Variants in TAB1 observed in about 807,000 individuals in gnomAD.
TAB1 encodes TGF-beta-activated kinase 1 and MAP3K7-binding protein 1.
In TAB1, 30 loss-of-function variants were observed where a neutral mutation model predicts 54.5. The ratio of observed to expected loss-of-function variants is 0.55; its 90% CI spans 0.41 to 0.75. The LOEUF (loss-of-function observed/expected upper bound fraction) is 0.75, where lower values mean the gene tolerates loss of function less well. Ranked by LOEUF, TAB1 falls within the 30% of genes least tolerant of loss-of-function variation. TAB1 has a pLI of 0.00. For missense variants in TAB1, 609 were observed against 683.2 expected (o/e 0.89, Z 1.21); for synonymous variants, 289 against 286.9 (o/e 1.01, Z -0.07).
chr22:39,433,715 T>C, downstream of TAB1: 1 of 985,420 alleles, frequency 1.0e-6, no homozygotes, highest in Non-Finnish European at 1.2e-6. Flanking sequence ...GGGATGTTCC[T>C]GCCAGTGGCA....
At chr22:39,407,439 G>A (rs1280289097) in intron 1 of TAB1, among the ~76,000 whole-genome samples, 1 of 151,696 alleles carries the variant, frequency 6.6e-6, no homozygotes, top group Non-Finnish European at 1.5e-5. Context: ...TCTGTGTGAA[G>A]TAATAGAGTG....
chr22:39,400,353 A>T (rs1298727510), intron 1 of TAB1, among the ~76,000 whole-genome samples: 1 of 152,204 alleles, frequency 6.6e-6, no homozygotes, highest in African/African-American at 2.4e-5. Flanking sequence ...AATGGTACGT[A>T]TTGAGGCAGG....
At chr22:39,424,438 CTTT>C (rs762665225) in intron 8 of TAB1, among the ~76,000 whole-genome samples, 2 of 89,470 alleles carry the variant, frequency 2.2e-5, no homozygotes, top group Non-Finnish European at 2.1e-5. Flanking sequence ...GTTCTGATTT[CTTT>C]TTTTTTTTTT....
chr22:39,414,671 G>T, intron 1 of TAB1: 1 of 285,826 alleles, frequency 3.5e-6, no homozygotes. Flanking sequence ...GTAAGAGGTG[G>T]GGTCCCCAGA....
chr22:39,412,893 T>C (rs961778937), intron 1 of TAB1, among the ~76,000 whole-genome samples: 3 of 22,794 alleles, frequency 1.3e-4, no homozygotes, highest in African/African-American at 5.3e-4. Context: ...ATCCTGCAAC[T>C]TTTTTTTTTT....
At chr22:39,426,546 T>G (rs1306217132) in intron 8 of TAB1, among the ~76,000 whole-genome samples, 157 bp from the exon 9 acceptor site, 1 of 152,236 alleles carries the variant, frequency 6.6e-6, no homozygotes, top group Non-Finnish European at 1.5e-5. Flanking sequence ...CCTGAATACC[T>G]TGAAAGGCTC....
chr22:39,426,159 A>G (rs1927326182), intron 8 of TAB1, among the ~76,000 whole-genome samples: 2 of 152,202 alleles, frequency 1.3e-5, no homozygotes, highest in South Asian at 4.1e-4. Flanking sequence ...GTGCCCGGTC[A>G]ACTTATGATA....
intron 1 of TAB1, among the ~76,000 whole-genome samples, chr22:39,409,591 G>T (rs1569194524): frequency 6.6e-6 from 1 of 152,124 alleles, no homozygotes; most frequent in Non-Finnish European, 1.5e-5. Context: ...CCATCTTAGG[G>T]TCTTTTTACG....
At chr22:39,428,301 G>A (rs1344449132) in intron 10 of TAB1, 118 bp downstream of exon 10, 10 of 646,284 alleles carry the variant, frequency 1.5e-5, no homozygotes, top group Non-Finnish European at 2.3e-5. Flanking sequence ...CTGGGGTCTG[G>A]AATTCCCCAG....
intron 1 of TAB1, among the ~76,000 whole-genome samples, chr22:39,404,136 T>C (rs1425290470): frequency 2.6e-5 from 4 of 152,062 alleles, no homozygotes; most frequent in African/African-American, 9.7e-5. Context: ...ATGTGAGGTG[T>C]GTGACAGAGG....
intron 1 of TAB1, among the ~76,000 whole-genome samples, chr22:39,411,388 C>A (rs1229474190): frequency 6.6e-6 from 1 of 152,154 alleles, no homozygotes. Context: ...AAAGAACTCT[C>A]AGAACACAAT....
In TAB1 at chr22:39,430,745, C is replaced by G. The variant is rs546051820; in HGVS notation, c.*523C>G. On this transcript the variant is annotated 3_prime_UTR_variant, in exon 11 of 11. Transcript: ENST00000216160. ...TGTCCGCATCTGTCCCTGGGCCCCA[C>G]CCCTGGACCTGCCTTGGTTGTGTCA... is the stretch of plus-strand genomic sequence containing the variant. The G allele has an allele frequency of 7.9e-6, 8 of 1,013,890 alleles. No individual in the cohort carries two copies. The African/African-American group carries it at 1.4e-4, about 17-fold the overall frequency. 62.8% of individuals were successfully genotyped at this position (1,013,890 alleles called of 1,614,324 possible).
intron 8 of TAB1, among the ~76,000 whole-genome samples, chr22:39,425,796 T>C (rs1300551235): frequency 6.6e-6 from 1 of 151,692 alleles, no homozygotes; most frequent in African/African-American, 2.4e-5. Context: ...TCGGCCTGCC[T>C]CAGAATCCCA....
At chr22:39,418,143 G>A (rs997480466) in intron 5 of TAB1, among the ~76,000 whole-genome samples, 2 of 152,194 alleles carry the variant, frequency 1.3e-5, no homozygotes, top group Non-Finnish European at 2.9e-5. Flanking sequence ...TTCTGGAAGA[G>A]GTTACCTGGC....
intron 1 of TAB1, among the ~76,000 whole-genome samples, chr22:39,407,330 G>T (rs1396839569): frequency 2.0e-5 from 3 of 152,082 alleles, no homozygotes; most frequent in African/African-American, 7.2e-5. Context: ...GGGTTGCCAG[G>T]CGTACTGTCC....
intron 8 of TAB1, among the ~76,000 whole-genome samples, chr22:39,424,659 G>A (rs533696568): frequency 6.6e-6 from 1 of 152,020 alleles, no homozygotes; most frequent in East Asian, 1.9e-4. Context: ...TTTTGGCCAG[G>A]CTTATCTTGA....
intron 1 of TAB1, among the ~76,000 whole-genome samples, chr22:39,404,917 G>T (rs1243343536): frequency 6.6e-6 from 1 of 152,230 alleles, no homozygotes. Flanking sequence ...TCATCCGGAA[G>T]GTTGGAGGTG....
rs117413617 is a variant in TAB1, at chr22:39,420,237, C to T, written c.776+607C>T. The stretch of plus-strand genomic sequence containing the variant: ...TTCTTTTATGCATTCCCTACTCAGG[C>T]CCCCTGAGGCAGTCACTGCCATCAC... On this transcript the variant is annotated intron_variant, in intron 7 of 10. Transcript: ENST00000216160. Among the ~76,000 whole-genome samples, 13 of 152,324 alleles carry T rather than the reference C, an allele frequency of 8.5e-5. No individual in the cohort carries two copies. The East Asian group carries it at 2.5e-3, about 29-fold the overall frequency.
intron 1 of TAB1, among the ~76,000 whole-genome samples, chr22:39,413,582 A>T (rs1051384990): frequency 3.3e-5 from 5 of 152,016 alleles, no homozygotes; most frequent in Non-Finnish European, 5.9e-5. Flanking sequence ...ATGCCTGGCT[A>T]ATTTTTTTGT....
Sources: allele counts gnomAD v4.1 joint callset (sites outside exome capture counted in the v4.1 genomes callset), GRCh38; gene constraint gnomAD v4.1.1; transcripts MANE v1.5; gene names NCBI Gene and HGNC (gene_info 2026-07-23, HGNC 2026-07-21).